CACNA2D1: variants seen among roughly 807,000 people sequenced by gnomAD.
The protein encoded by CACNA2D1 is calcium voltage-gated channel auxiliary subunit alpha2delta 1.
A neutral mutation model predicts 171.5 loss-of-function variants in CACNA2D1; 53 were observed. The observed-to-expected ratio is 0.31, with a 90% confidence interval of 0.25 to 0.39. The LOEUF (loss-of-function observed/expected upper bound fraction) is 0.39. CACNA2D1 is among the 10% of genes least tolerant of loss of function. The probability of loss-of-function intolerance (pLI) is 1.00; values close to 1 mark genes in which losing one functional copy is unlikely to be tolerated. For missense variants in CACNA2D1, 903 were observed against 1,299.8 expected (o/e 0.69, Z 4.69); for synonymous variants, 442 against 443.1 (o/e 1.00, Z 0.03).
chr7:82,239,521 A>C (rs1443361890), intron 3 of CACNA2D1, among the ~76,000 whole-genome samples: 2 of 152,290 alleles, frequency 1.3e-5, no homozygotes, highest in South Asian at 2.1e-4. Context: ...GTGCTATTTA[A>C]ATGTATTTAT....
chr7:82,357,869 A>G (rs1820636100), intron 1 of CACNA2D1, among the ~76,000 whole-genome samples: 1 of 152,054 alleles, frequency 6.6e-6, no homozygotes, highest in African/African-American at 2.4e-5. Flanking sequence ...AATAAAAAAA[A>G]AAAAAAGAGG....
chr7:82,268,725 C>CAAAAAAAAAAAAAA (rs3839794), intron 3 of CACNA2D1, among the ~76,000 whole-genome samples: 1 of 138,706 alleles, frequency 7.2e-6, no homozygotes, highest in Non-Finnish European at 1.6e-5. Flanking sequence ...TACCTGAGAC[C>CAAAAAAAAAAAAAA]AAAAAAAAAA....
chr7:82,113,925 T>A (rs1584795574), intron 6 of CACNA2D1, among the ~76,000 whole-genome samples: 1 of 152,156 alleles, frequency 6.6e-6, no homozygotes, highest in African/African-American at 2.4e-5. Context: ...AATATTAAGA[T>A]GAATGGGACT....
chr7:82,165,135 T>C (rs745900893), intron 4 of CACNA2D1, among the ~76,000 whole-genome samples: 4 of 151,984 alleles, frequency 2.6e-5, no homozygotes, highest in Non-Finnish European at 4.4e-5. Flanking sequence ...AAGCAGCGGA[T>C]TGGTCCTGAA....
intron 3 of CACNA2D1, among the ~76,000 whole-genome samples, chr7:82,195,975 G>T (rs1245159964): frequency 6.6e-6 from 1 of 152,034 alleles, no homozygotes; most frequent in African/African-American, 2.4e-5. Context: ...CCACTTTGGG[G>T]TTATCTAAAT....
At chr7:82,220,741 T>C (rs1025483964) in intron 3 of CACNA2D1, among the ~76,000 whole-genome samples, 1 of 151,480 alleles carries the variant, frequency 6.6e-6, no homozygotes, top group Admixed American at 6.6e-5. Context: ...GATGCTACAA[T>C]AAAACTCGAG....
At chr7:82,260,934 T>C (rs1046230273) in intron 3 of CACNA2D1, among the ~76,000 whole-genome samples, 14 of 151,370 alleles carry the variant, frequency 9.2e-5, no homozygotes, top group Admixed American at 5.3e-4. Context: ...ATAAAATATG[T>C]CCAAAATACA....
chr7:81,994,438 ATAAT>A (rs1329242941), intron 20 of CACNA2D1, among the ~76,000 whole-genome samples: 17 of 152,232 alleles, frequency 1.1e-4, no homozygotes, highest in East Asian at 9.7e-4. Context: ...AAAAATAAAA[ATAAT>A]TAATATGTGG....
intron 3 of CACNA2D1, among the ~76,000 whole-genome samples, chr7:82,212,784 A>G (rs10269005): frequency 1.3e-5 from 2 of 152,184 alleles, no homozygotes; most frequent in African/African-American, 4.8e-5. Context: ...TGCTGGTATA[A>G]TATGCCATTA....
chr7:82,008,342 C>A (rs962677806), intron 15 of CACNA2D1, among the ~76,000 whole-genome samples: 3 of 151,818 alleles, frequency 2.0e-5, no homozygotes, highest in African/African-American at 7.3e-5. Flanking sequence ...TAAGTAGACC[C>A]CAAAATAAGC....
intron 5 of CACNA2D1, among the ~76,000 whole-genome samples, chr7:82,129,735 T>C (rs1358994392): frequency 1.3e-5 from 2 of 152,330 alleles, no homozygotes; most frequent in South Asian, 2.1e-4. Context: ...GAGTATCTCA[T>C]GGATTTCTCC....
At chr7:82,420,012 C>T (rs533238585) in intron 1 of CACNA2D1, among the ~76,000 whole-genome samples, 1 of 152,100 alleles carries the variant, frequency 6.6e-6, no homozygotes, top group Non-Finnish European at 1.5e-5. Context: ...CACAGGACAG[C>T]GCCCCCCGCC....
At chr7:82,293,039 A>G (rs1255986313) in intron 3 of CACNA2D1, among the ~76,000 whole-genome samples, 1 of 151,880 alleles carries the variant, frequency 6.6e-6, no homozygotes, top group Admixed American at 6.6e-5. Flanking sequence ...CTAATTTCCT[A>G]TGACTTTATC....
At chr7:82,143,545 T>G (rs903046586) in intron 4 of CACNA2D1, among the ~76,000 whole-genome samples, 28 of 152,144 alleles carry the variant, frequency 1.8e-4, no homozygotes, top group Non-Finnish European at 4.0e-4. Context: ...GGAGAAGAAA[T>G]AAAATTACTA....
intron 29 of CACNA2D1, among the ~76,000 whole-genome samples, 161 bp from the exon 30 acceptor site, chr7:81,967,824 C>T (rs1022512982): frequency 4.0e-5 from 6 of 151,448 alleles, no homozygotes; most frequent in African/African-American, 1.5e-4. Context: ...TAAACTATTA[C>T]ATAAATTGTA....
chr7:81,974,318 A>G (rs1795601868), intron 25 of CACNA2D1, 137 bp downstream of exon 25: 2 of 549,460 alleles, frequency 3.6e-6, no homozygotes, highest in Non-Finnish European at 6.6e-6. Flanking sequence ...TCAAATTGTT[A>G]CATTTTACTA....
chr7:82,116,968 T>C (rs1178696453), intron 6 of CACNA2D1, 76 bp downstream of exon 6: 13 of 1,503,254 alleles, frequency 8.6e-6, no homozygotes, highest in East Asian at 2.3e-5. Context: ...GCTCTTTTTT[T>C]TCCCCCTCAA....
At chr7:81,964,170 C>A (rs766822279) in intron 33 of CACNA2D1, 37 bp downstream of exon 33, 7 of 1,611,170 alleles carry the variant, frequency 4.3e-6, no homozygotes, top group African/African-American at 1.3e-5. Context: ...CACTTGAGTA[C>A]CCCTTGAGAA....
At chr7:82,104,500 TA>T (rs1813075328) in intron 6 of CACNA2D1, among the ~76,000 whole-genome samples, 1 of 152,072 alleles carries the variant, frequency 6.6e-6, no homozygotes, top group South Asian at 2.1e-4. Flanking sequence ...TTTGTCATAC[TA>T]TTTTTACTTA....
Sources: gnomAD v4.1 joint callset for allele counts (sites outside exome capture counted in the v4.1 genomes callset) on GRCh38, gnomAD v4.1.1 for gene constraint, MANE v1.5 for transcripts, NCBI Gene and HGNC (gene_info 2026-07-23, HGNC 2026-07-21) for gene names.